Variants in DTNB observed in about 807,000 individuals in gnomAD.
DTNB encodes the protein dystrobrevin beta.
DTNB carries 63 observed loss-of-function variants against 90.7 expected under a neutral mutation model. That is an observed-to-expected ratio of 0.69 (90% CI 0.57 to 0.86). DTNB has a LOEUF of 0.86. DTNB is among the 40% of genes least tolerant of loss of function. The pLI is 0.00. For missense variants in DTNB, 744 were observed against 807.1 expected, an observed-to-expected ratio of 0.92 and a Z score of 0.95; for synonymous variants, 277 against 286.7, an observed-to-expected ratio of 0.97 and a Z score of 0.34.
chr2:25,413,511 C>T (rs569649180), intron 16 of DTNB, among the ~76,000 whole-genome samples: 230 of 149,374 alleles, frequency 1.5e-3, no homozygotes, highest in South Asian at 4.2e-3. Context: ...TGAGAACATG[C>T]GGTGTTTGGT....
chr2:25,472,797 T>C (rs539034598), intron 10 of DTNB, among the ~76,000 whole-genome samples: 2 of 152,270 alleles, frequency 1.3e-5, no homozygotes, highest in South Asian at 2.1e-4. Context: ...GGCAGGAGAA[T>C]TGCTTGAACC....
intron 9 of DTNB, among the ~76,000 whole-genome samples, chr2:25,508,915 G>A (rs1306403500): frequency 6.6e-6 from 1 of 152,120 alleles, no homozygotes; most frequent in Non-Finnish European, 1.5e-5. Context: ...CCTACGTTAT[G>A]TTTCTCAATG....
intron 16 of DTNB, among the ~76,000 whole-genome samples, chr2:25,393,566 G>A (rs1308854895): frequency 6.6e-6 from 1 of 152,176 alleles, no homozygotes; most frequent in Non-Finnish European, 1.5e-5. Context: ...ACACAAATCA[G>A]TAGCTCTGCT....
At chr2:25,425,280 A>C (rs2051157625) in intron 15 of DTNB, among the ~76,000 whole-genome samples, 1 of 152,164 alleles carries the variant, frequency 6.6e-6, no homozygotes, top group Non-Finnish European at 1.5e-5. Flanking sequence ...AGCTAGGGGG[A>C]AAAAACAACA....
intron 16 of DTNB, among the ~76,000 whole-genome samples, chr2:25,396,184 C>G (rs1055552565): frequency 6.6e-6 from 1 of 152,186 alleles, no homozygotes; most frequent in Admixed American, 6.5e-5. Flanking sequence ...AACCAAACAT[C>G]GTTGTTCTTA....
chr2:25,628,351 G>T lies in DTNB; in HGVS notation c.182C>A (p.Ala61Asp), dbSNP rs769065617. Residue 61 changes from alanine to aspartate, a missense_variant, in exon 4 of 21, where the codon GCC (alanine) becomes GAC (aspartate). Ala to Asp is a moderately radical substitution (Grantham distance 126). Transcript: ENST00000406818. ...HLVDIWNMIE[A>D]FRDNGLNTLD... is the part of the protein sequence containing the mutation. Reference sequence around the variant, plus strand: ...TGTATTAAGGCCATTGTCTCGGAAGGCTTCAATCATGTTCCAGATATCAAC... The same window carrying T: ...TGTATTAAGGCCATTGTCTCGGAAGTCTTCAATCATGTTCCAGATATCAAC... 1 of 1,613,376 alleles carries T rather than the reference G, an allele frequency of 6.2e-7. No homozygotes were observed.
chr2:25,568,477 T>TAA (rs1037970686), intron 8 of DTNB, among the ~76,000 whole-genome samples: 40 of 150,732 alleles, frequency 2.7e-4, no homozygotes, highest in African/African-American at 9.5e-4. Flanking sequence ...AATAGTGATT[T>TAA]AAAAAAAAAC....
chr2:25,380,686 G>C (rs1224503934), intron 19 of DTNB, among the ~76,000 whole-genome samples: 2 of 152,252 alleles, frequency 1.3e-5, no homozygotes, highest in Non-Finnish European at 2.9e-5. Flanking sequence ...GTGCCCTGGG[G>C]CCTGGAGTGC....
rs759894298 is a variant in DTNB at position 25,580,704 on chromosome 2, A to G, written c.709+17T>C. 5 of 1,607,282 alleles carry G rather than the reference A, an allele frequency of 3.1e-6. No individual in the cohort carries two copies. Among genetic ancestry groups the G allele is most frequent in the Non-Finnish European group, 4.3e-6 (5 of 1,173,948 alleles). On this transcript the variant is annotated intron_variant, in intron 7 of 20. Transcript: ENST00000406818. Reference sequence around the variant, plus strand: ...TTTCTATAGCATGCGGAATTGAACAATAAAAGTTCTGCTTACCATTCTCAA... The same window carrying G: ...TTTCTATAGCATGCGGAATTGAACAGTAAAAGTTCTGCTTACCATTCTCAA...
At chr2:25,629,771 G>A (rs2075270833) in intron 3 of DTNB, among the ~76,000 whole-genome samples, 1 of 151,840 alleles carries the variant, frequency 6.6e-6, no homozygotes, top group African/African-American at 2.4e-5. Flanking sequence ...CCTGATAAAG[G>A]GCATCTACAA....
At position 25,596,079 on chromosome 2, in the gene DTNB, T is replaced by G; in HGVS notation, c.603+7A>C. On this transcript the variant is annotated splice_region_variant and intron_variant, in intron 6 of 20. Transcript: ENST00000406818. ...TCTAGCCCTAGATTCTATAAAACTG[T>G]CCTTACCTGCTGTGGAAAACAGGTG... is the stretch of plus-strand genomic sequence containing the variant. 6.3e-7 allele frequency: 1 copy of G among 1,597,842 alleles called. No homozygotes were observed.
At chr2:25,588,369 CT>C (rs57551264) in intron 6 of DTNB, among the ~76,000 whole-genome samples, 289 of 144,062 alleles carry the variant, frequency 2.0e-3, no homozygotes, top group Middle Eastern at 3.6e-3. Context: ...CTTCCGAGAA[CT>C]TTTTTTTTTT....
At position 25,387,861 on chromosome 2, in the gene DTNB, A is replaced by G. The variant is rs2039949204; in HGVS notation, c.1735+341T>C. Among the ~76,000 whole-genome samples the G allele has an allele frequency of 6.6e-6, 1 of 152,250 alleles. No homozygotes were observed. The highest frequency in any genetic ancestry group is 2.4e-5 in the African/African-American group (1 of 41,458). On this transcript the variant is annotated intron_variant, in intron 17 of 20. Transcript: ENST00000406818. This position sits in a 1 kb window ranked among gnomAD's most constrained non-coding sequence, Gnocchi z 4.5. ...GTGCTTTCAGCACGGTCCCAGTTAC[A>G]GTGCCTGTTACAGTCCCTTCTAGGC...
intron 9 of DTNB, among the ~76,000 whole-genome samples, chr2:25,496,455 A>G (rs2068863104): frequency 6.6e-6 from 1 of 152,234 alleles, no homozygotes; most frequent in Non-Finnish European, 1.5e-5. Context: ...CGACCTGTTC[A>G]CATGGTCATC....
At chr2:25,523,259 T>C (rs1558871345) in intron 9 of DTNB, among the ~76,000 whole-genome samples, 1 of 152,302 alleles carries the variant, frequency 6.6e-6, no homozygotes, top group South Asian at 2.1e-4. Context: ...ATGTGAACAC[T>C]GTTAGCACCT....
At chr2:25,418,199 C>T (rs937265764) in intron 16 of DTNB, among the ~76,000 whole-genome samples, 9 of 152,136 alleles carry the variant, frequency 5.9e-5, no homozygotes, top group African/African-American at 1.9e-4. Flanking sequence ...TCTGGGTTGT[C>T]GGCCACTCTT....
At chr2:25,547,707 G>A (rs1042528585) in intron 8 of DTNB, among the ~76,000 whole-genome samples, 2 of 152,110 alleles carry the variant, frequency 1.3e-5, no homozygotes. Context: ...TTCCAATTTT[G>A]TACTCTGGAA....
At chr2:25,459,545 G>A (rs1159497884) in intron 10 of DTNB, among the ~76,000 whole-genome samples, 1 of 152,150 alleles carries the variant, frequency 6.6e-6, no homozygotes, top group East Asian at 1.9e-4. Flanking sequence ...CCAGGCTGGA[G>A]CGCAGTGGCG....
At chr2:25,479,453 A>T (rs1374107090) in intron 10 of DTNB, among the ~76,000 whole-genome samples, 1 of 152,222 alleles carries the variant, frequency 6.6e-6, no homozygotes, top group Non-Finnish European at 1.5e-5. Context: ...TTTTAAATGT[A>T]CTATGTGGAC....
Sources: allele counts gnomAD v4.1 joint callset (sites outside exome capture counted in the v4.1 genomes callset), GRCh38; gene constraint gnomAD v4.1.1; non-coding constraint Gnocchi (gnomAD v3.1); transcripts MANE v1.5; gene names NCBI Gene and HGNC (gene_info 2026-07-23, HGNC 2026-07-21).